The following UNC5B variants were observed in gnomAD, a reference collection of about 807,000 sequenced individuals.
UNC5B encodes unc-5 netrin receptor B, also known as netrin receptor UNC5B.
A neutral mutation model predicts 103.7 loss-of-function variants in UNC5B; 56 were observed. The ratio of observed to expected loss-of-function variants is 0.54; its 90% CI spans 0.44 to 0.67. The LOEUF is 0.67. UNC5B is among the 30% of genes least tolerant of loss of function. The pLI, the probability that UNC5B is intolerant of heterozygous loss-of-function variation, is 0.00. For synonymous variants in UNC5B, 577 were observed against 542.0 expected, an observed-to-expected ratio of 1.06 and a Z score of -0.90; for missense variants, 1,194 against 1,284.5, an observed-to-expected ratio of 0.93 and a Z score of 1.08.
chr10:71,252,451 CCT>C (rs1270901820), intron 1 of UNC5B, among the ~76,000 whole-genome samples: 2 of 152,218 alleles, frequency 1.3e-5, no homozygotes, highest in Non-Finnish European at 2.9e-5. Flanking sequence ...ATCTCTCATT[CCT>C]CTCATCTCAC....
At chr10:71,287,100 C>T (rs1220696252) in intron 5 of UNC5B, among the ~76,000 whole-genome samples, 1 of 152,234 alleles carries the variant, frequency 6.6e-6, no homozygotes, top group Non-Finnish European at 1.5e-5. Flanking sequence ...AAGGAGTTCT[C>T]CAAGTCTGGG....
chr10:71,242,128 T>TG (rs936888173), intron 1 of UNC5B, among the ~76,000 whole-genome samples: 3 of 152,142 alleles, frequency 2.0e-5, no homozygotes, highest in Middle Eastern at 3.4e-3. Flanking sequence ...GGAGAGGACA[T>TG]GGGGGGGCGT....
Position 71,284,725 on chromosome 10 carries a change from C to G in UNC5B, c.310C>G (p.Arg104Gly). Reference protein sequence around the residue: ...QEGLDEATGLRVREVQIEVSR... With the variant: ...QEGLDEATGLGVREVQIEVSR... ...GCTCTCTCTTCTCCTCCCAGGCCTG[C>G]GGGTGCGCGAGGTGCAGATCGAGGT... is the stretch of plus-strand genomic sequence containing the variant. The change falls in exon 3 of 17, where the codon CGG becomes GGG. Residue 104 changes from arginine to glycine, a missense_variant. Coordinates refer to ENST00000335350, the MANE Select transcript of UNC5B (RefSeq NM_170744.5). The G allele has an allele frequency of 6.2e-7, 1 of 1,613,674 alleles. No individual in the cohort carries two copies. The highest frequency in any genetic ancestry group is 8.5e-7 in the Non-Finnish European group (1 of 1,179,996).
At position 71,212,992 on chromosome 10, in the gene UNC5B, G is replaced by A; in HGVS notation, c.7G>A (p.Ala3Thr). 2.1e-6 allele frequency: 3 copies of A among 1,397,392 alleles called. No individual in the cohort carries two copies. The highest frequency in any genetic ancestry group is 1.7e-5 in the South Asian group (1 of 58,974). The allele number at this position is 1,397,392 out of a possible 1,614,324, so 86.6% of individuals were successfully genotyped here. Residue 3 changes from alanine to threonine, a missense_variant, in exon 1 of 17, where the codon GCC (alanine) becomes ACC (threonine). By Grantham distance (58) the Ala-to-Thr change is moderately conservative. Coordinates refer to ENST00000335350, the MANE Select transcript of UNC5B (RefSeq NM_170744.5). ...CGAACCAGGCCGCGGGAGCATGGGG[G>A]CCCGGAGCGGAGCTCGGGGCGCGCT... MGARSGARGALLL... is the reference protein window; with the variant it reads MGTRSGARGALLL...
At chr10:71,275,502 A>G (rs1386208811) in intron 1 of UNC5B, among the ~76,000 whole-genome samples, 1 of 152,200 alleles carries the variant, frequency 6.6e-6, no homozygotes, top group Non-Finnish European at 1.5e-5. Flanking sequence ...GTAAAATGGG[A>G]AGAATTGCAA....
chr10:71,253,677 GGCATCGCCAGGGCT>G (rs980571179), intron 1 of UNC5B, among the ~76,000 whole-genome samples: 1 of 152,170 alleles, frequency 6.6e-6, no homozygotes, highest in Non-Finnish European at 1.5e-5. Flanking sequence ...AGAAGCTGTT[GGCATCGCCAGGGCT>G]GCCAAGGGGA....
In UNC5B at chr10:71,225,840, G is replaced by A. The variant is rs372119610; in HGVS notation, c.79+12776G>A. 7.3e-5 allele frequency among the ~76,000 whole-genome samples: 11 copies of A among 151,590 alleles called. No individual in the cohort carries two copies. The South Asian group carries it at 8.3e-4, about 11-fold the overall frequency. On this transcript the variant is annotated intron_variant, in intron 1 of 16. Coordinates refer to ENST00000335350, the MANE Select transcript of UNC5B (RefSeq NM_170744.5). ...TGGGTCTTGAGGACTGCTTGCCACC[G>A]TGCCACACAGACTTGAGGACACCCT...
chr10:71,271,219 C>T (rs1218466204), intron 1 of UNC5B, among the ~76,000 whole-genome samples: 1 of 152,220 alleles, frequency 6.6e-6, no homozygotes, highest in Non-Finnish European at 1.5e-5. Context: ...GCTGTGACCT[C>T]GAACACGCCC....
chr10:71,232,353 C>T (rs1253998133), intron 1 of UNC5B, among the ~76,000 whole-genome samples: 2 of 152,342 alleles, frequency 1.3e-5, no homozygotes, highest in Middle Eastern at 3.4e-3. Flanking sequence ...AAGTAGCAAT[C>T]TTGTGTTCAT....
At chr10:71,287,534 G>A (rs1173485086) in intron 5 of UNC5B, 64 bp from the exon 6 acceptor site, 14 of 1,515,342 alleles carry the variant, frequency 9.2e-6, no homozygotes, top group African/African-American at 1.4e-5. Flanking sequence ...GGTGAGGGAC[G>A]GGTTTGGGGG....
At chr10:71,265,768 C>T (rs894787455) in intron 1 of UNC5B, among the ~76,000 whole-genome samples, 2 of 152,198 alleles carry the variant, frequency 1.3e-5, no homozygotes, top group African/African-American at 4.8e-5. Context: ...TGTGCTTCCA[C>T]TGCTTGGTAA....
chr10:71,215,174 G>T (rs562752034), intron 1 of UNC5B, among the ~76,000 whole-genome samples: 30 of 152,148 alleles, frequency 2.0e-4, no homozygotes, highest in Non-Finnish European at 3.2e-4. Flanking sequence ...TTTTCCATTG[G>T]ATCCTTCACA....
At chr10:71,243,858 T>A (rs894667584) in intron 1 of UNC5B, among the ~76,000 whole-genome samples, 1 of 152,268 alleles carries the variant, frequency 6.6e-6, no homozygotes, top group African/African-American at 2.4e-5. Flanking sequence ...TACCAGGCAC[T>A]GCGTGAAGGA....
chr10:71,224,773 G>C (rs1843527676), intron 1 of UNC5B, among the ~76,000 whole-genome samples: 1 of 152,174 alleles, frequency 6.6e-6, no homozygotes, highest in Admixed American at 6.5e-5. Context: ...TCCACAAATT[G>C]CTGGATCCTG....
At chr10:71,280,706 C>T (rs959692924) in intron 2 of UNC5B, among the ~76,000 whole-genome samples, 27 of 152,206 alleles carry the variant, frequency 1.8e-4, no homozygotes, top group African/African-American at 6.3e-4. Context: ...CTCCCCACAT[C>T]TCCCAGAACT....
chr10:71,242,056 G>A (rs952625126), intron 1 of UNC5B, among the ~76,000 whole-genome samples: 2 of 152,160 alleles, frequency 1.3e-5, no homozygotes, highest in African/African-American at 2.4e-5. Context: ...CTTGCTGGTC[G>A]GCTTTGTGGA....
intron 1 of UNC5B, among the ~76,000 whole-genome samples, chr10:71,278,964 A>AC (rs1417408377): frequency 6.6e-6 from 1 of 151,752 alleles, no homozygotes; most frequent in South Asian, 2.1e-4. Context: ...CGGTGGCCAC[A>AC]CCCCCCTTCC....
intron 1 of UNC5B, among the ~76,000 whole-genome samples, chr10:71,268,048 C>A (rs1200492935): frequency 3.3e-5 from 5 of 152,232 alleles, no homozygotes; most frequent in African/African-American, 1.2e-4. Context: ...AGCCCCAGTC[C>A]TGCCTTGGGA....
chr10:71,241,628 G>C (rs1448062453), intron 1 of UNC5B, among the ~76,000 whole-genome samples: 1 of 152,010 alleles, frequency 6.6e-6, no homozygotes, highest in African/African-American at 2.4e-5. Flanking sequence ...AACAATAACA[G>C]TAGTAACTGG....
Sources: gnomAD v4.1 joint callset for allele counts (sites outside exome capture counted in the v4.1 genomes callset) on GRCh38, gnomAD v4.1.1 for gene constraint, MANE v1.5 for transcripts, NCBI Gene and HGNC (gene_info 2026-07-23, HGNC 2026-07-21) for gene names.